The following RAB3GAP1 variants were observed in gnomAD, a reference collection of about 807,000 sequenced individuals.
RAB3GAP1 encodes the protein RAB3 GTPase activating protein catalytic subunit 1, also known as rab3 GTPase-activating protein catalytic subunit.
A neutral mutation model predicts 130.7 loss-of-function variants in RAB3GAP1; 86 were observed. That is an observed-to-expected ratio of 0.66 (90% CI 0.55 to 0.79). RAB3GAP1 has a LOEUF of 0.79. Ranked by LOEUF, RAB3GAP1 falls within the 30% of genes least tolerant of loss-of-function variation. The pLI is 0.00. For synonymous variants in RAB3GAP1, 367 were observed against 401.7 expected (o/e 0.91, Z 1.03); for missense variants, 1,029 against 1,169.4 (o/e 0.88, Z 1.75).
chr2:135,094,560 C>T (rs1690238291), intron 5 of RAB3GAP1, among the ~76,000 whole-genome samples: 1 of 152,174 alleles, frequency 6.6e-6, no homozygotes, highest in Admixed American at 6.5e-5. Flanking sequence ...CCCTTCTAAG[C>T]CTCTGGTAAT....
At chr2:135,118,085 A>T (rs551683606) in intron 7 of RAB3GAP1, among the ~76,000 whole-genome samples, 1 of 152,086 alleles carries the variant, frequency 6.6e-6, no homozygotes, top group Non-Finnish European at 1.5e-5. Flanking sequence ...GGCTCAAGCA[A>T]TCCGCCTGCC....
intron 7 of RAB3GAP1, 61 bp downstream of exon 7, chr2:135,115,442 C>A: frequency 1.3e-6 from 2 of 1,497,180 alleles, no homozygotes; most frequent in South Asian, 1.2e-5. Context: ...GAGATTTGAT[C>A]ATTTTATTCA....
At chr2:135,098,582 G>A (rs1690365154) in intron 5 of RAB3GAP1, among the ~76,000 whole-genome samples, 1 of 152,110 alleles carries the variant, frequency 6.6e-6, no homozygotes, top group African/African-American at 2.4e-5. Flanking sequence ...TATGGATGCT[G>A]GGGATGGTGG....
chr2:135,085,175 T>C (rs1397266609), intron 3 of RAB3GAP1, among the ~76,000 whole-genome samples: 2 of 152,212 alleles, frequency 1.3e-5, no homozygotes, highest in African/African-American at 4.8e-5. Flanking sequence ...AACTTGGCTA[T>C]CTTGGAGGTG....
chr2:135,164,663 G>T lies in RAB3GAP1; in HGVS notation c.2676G>T (p.Arg892Ser), dbSNP rs144455066. The change falls in exon 23 of 24, where the codon AGG (arginine) becomes AGT (serine). Residue 892 changes from arginine (R) to serine (S), a missense_variant. Around this residue, in one of 3 missense-constraint regions of RAB3GAP1, gnomAD observed 146 missense variants for 143.7 expected, o/e 1.02. Transcript: ENST00000264158. ...GTGCAGGAAGAGGACATGCTGGCAG[G>T]ATCATTCACAAGCTGTTTGTGAATG... ...VTGAGRGHAG[R>S]IIHKLFVNAQ... is the part of the protein sequence containing the mutation. 5.6e-4 allele frequency: 908 copies of T among 1,612,968 alleles called. 4 individuals are homozygous for T. In the African/African-American group the frequency reaches 0.011, roughly 20 times the overall value.
At chr2:135,090,629 C>T (rs777873645) in intron 3 of RAB3GAP1, among the ~76,000 whole-genome samples, 13 of 152,078 alleles carry the variant, frequency 8.5e-5, no homozygotes, top group Non-Finnish European at 1.8e-4. Context: ...AGGTGTCATG[C>T]CACTTAAATT....
At position 135,137,373 on chromosome 2, in the gene RAB3GAP1, A is replaced by T. The variant is rs78110856; in HGVS notation, c.1923+1441A>T. The T allele has an allele frequency of 3.8e-3, 675 of 176,736 alleles. 14 individuals are homozygous for T. The highest frequency in any genetic ancestry group is 0.037 in the Admixed American group (622 of 16,708). The allele number at this position is 176,736 out of a possible 1,614,324, so 10.9% of individuals were successfully genotyped here. A position where few individuals can be genotyped will look rare whatever the true frequency, so the allele number is the denominator to read the frequency against. ...CTACAGTAAAAAGGACCCTAAAGTAAATTGGTTGAAGAAGTTAGATCCCAA... is the reference window on the plus strand; with the variant it reads ...CTACAGTAAAAAGGACCCTAAAGTATATTGGTTGAAGAAGTTAGATCCCAA... On this transcript the variant is annotated intron_variant, in intron 17 of 23. Coordinates refer to ENST00000264158, the MANE Select transcript of RAB3GAP1 (RefSeq NM_012233.3).
intron 17 of RAB3GAP1, among the ~76,000 whole-genome samples, chr2:135,141,224 A>C (rs1319801683): frequency 7.7e-6 from 1 of 129,640 alleles, no homozygotes; most frequent in African/African-American, 2.9e-5. Flanking sequence ...CTATTCACTT[A>C]CTTCTTTTTT....
chr2:135,115,136 A>C, intron 6 of RAB3GAP1, 80 bp from the exon 7 acceptor site: 1 of 1,391,932 alleles, frequency 7.2e-7, no homozygotes, highest in Non-Finnish European at 1.0e-6. Context: ...TTGAGATTAA[A>C]ATAATTTGGA....
intron 5 of RAB3GAP1, among the ~76,000 whole-genome samples, chr2:135,096,454 T>C (rs1690294715): frequency 6.6e-6 from 1 of 152,208 alleles, no homozygotes; most frequent in South Asian, 2.1e-4. Context: ...TAGTATGACC[T>C]TTTAAAAATT....
chr2:135,170,799 T>C (rs1323825635), downstream of RAB3GAP1: 1 of 152,094 alleles, frequency 6.6e-6, no homozygotes, highest in East Asian at 1.9e-4. Context: ...AGAAGCTGAG[T>C]AGGCACTGGG....
chr2:135,118,449 T>A (rs1014037056), intron 7 of RAB3GAP1, among the ~76,000 whole-genome samples: 81 of 152,322 alleles, frequency 5.3e-4, no homozygotes, highest in African/African-American at 1.7e-3. Context: ...TTGAAAACTT[T>A]CATAACTTCA....
At chr2:135,126,442 G>A in intron 10 of RAB3GAP1, 141 bp from the exon 11 acceptor site, 1 of 922,050 alleles carries the variant, frequency 1.1e-6, no homozygotes, top group African/African-American at 1.7e-5. Flanking sequence ...ATGGCTCCAT[G>A]TATCTGGATA....
intron 4 of RAB3GAP1, among the ~76,000 whole-genome samples, chr2:135,093,056 A>G (rs1558771954): frequency 1.3e-5 from 2 of 152,230 alleles, no homozygotes; most frequent in Admixed American, 6.5e-5. Context: ...AACAAAAATT[A>G]TTTTTGTGAA....
intron 5 of RAB3GAP1, among the ~76,000 whole-genome samples, chr2:135,103,811 C>G (rs1231582773): frequency 6.6e-6 from 1 of 152,166 alleles, no homozygotes; most frequent in African/African-American, 2.4e-5. Context: ...AAACCTGTAC[C>G]TTTGTTAGAC....
At chr2:135,065,869 C>G (rs1042281174) in intron 3 of RAB3GAP1, among the ~76,000 whole-genome samples, 1 of 146,970 alleles carries the variant, frequency 6.8e-6, no homozygotes, top group African/African-American at 2.6e-5. Flanking sequence ...CTCCCAGGTT[C>G]GAGTGATTCT....
At chr2:135,152,016 A>G (rs143973282) in intron 18 of RAB3GAP1, among the ~76,000 whole-genome samples, 1 of 152,380 alleles carries the variant, frequency 6.6e-6, no homozygotes, top group Non-Finnish European at 1.5e-5. Context: ...GTACCTGCAA[A>G]TCTTACATGA....
intron 23 of RAB3GAP1, among the ~76,000 whole-genome samples, chr2:135,166,266 T>C (rs1024269933): frequency 6.6e-6 from 1 of 152,148 alleles, no homozygotes; most frequent in South Asian, 2.1e-4. Flanking sequence ...CTAAGCAAAA[T>C]TATTTTCCCC....
At chr2:135,134,674 A>G (rs1454725891) in intron 15 of RAB3GAP1, among the ~76,000 whole-genome samples, 1 of 152,194 alleles carries the variant, frequency 6.6e-6, no homozygotes, top group Admixed American at 6.5e-5. Flanking sequence ...CATTTATATC[A>G]TTTGCCAATC....
Sources: gnomAD v4.1 joint callset for allele counts (sites outside exome capture counted in the v4.1 genomes callset) on GRCh38, gnomAD v4.1.1 for gene constraint, gnomAD v4.1.1 regional missense constraint, MANE v1.5 for transcripts, NCBI Gene and HGNC (gene_info 2026-07-23, HGNC 2026-07-21) for gene names.